Variants in GALNT13 observed in about 807,000 individuals in gnomAD.
The protein encoded by GALNT13 is UDP-GalNAc:polypeptide N-acetylgalactosaminyltransferase 13.
GALNT13 carries 28 observed loss-of-function variants against 64.2 expected under a neutral mutation model. That is an observed-to-expected ratio of 0.44 (90% CI 0.32 to 0.60). GALNT13 has a LOEUF of 0.60. Among genes scored for constraint, GALNT13 ranks in the 20% least tolerant of loss-of-function variants. The probability of loss-of-function intolerance (pLI) is 0.05; values close to 1 mark genes in which losing one functional copy is unlikely to be tolerated. For synonymous variants in GALNT13, 214 were observed against 224.6 expected, an observed-to-expected ratio of 0.95 and a Z score of 0.42; for missense variants, 577 against 669.8, an observed-to-expected ratio of 0.86 and a Z score of 1.53.
the GALNT13 span, among the ~76,000 whole-genome samples, chr2:153,331,620 C>CT: frequency 6.6e-6 from 1 of 151,952 alleles, no homozygotes; most frequent in Non-Finnish European, 1.5e-5. Flanking sequence ...CCAGTCTTTC[C>CT]TTTTCACGTT....
the GALNT13 span, among the ~76,000 whole-genome samples, chr2:153,652,623 G>A: frequency 0.89 from 135,373 of 152,158 alleles, 60,265 homozygotes; most frequent in East Asian, 0.92. Context: ...TCAAAAAAAG[G>A]AAAAAAATTA....
the GALNT13 span, among the ~76,000 whole-genome samples, chr2:153,384,944 A>T: frequency 1.3e-5 from 2 of 152,084 alleles, no homozygotes; most frequent in Non-Finnish European, 2.9e-5. Context: ...CTACATATCA[A>T]ACTAAAATCA....
At chr2:153,920,138 T>C (rs1249187596) in intron 2 of GALNT13, among the ~76,000 whole-genome samples, 2 of 151,754 alleles carry the variant, frequency 1.3e-5, no homozygotes, top group Non-Finnish European at 2.9e-5. Flanking sequence ...TTGCTATTAG[T>C]AGGCCTCTTC....
At chr2:153,873,383 C>T (rs1558827310) in intron 1 of GALNT13, among the ~76,000 whole-genome samples, 2 of 152,358 alleles carry the variant, frequency 1.3e-5, no homozygotes, top group South Asian at 4.1e-4. Context: ...GCGAAAGCTG[C>T]GCAAGCCCCT....
the GALNT13 span, among the ~76,000 whole-genome samples, chr2:153,103,339 G>C: frequency 6.6e-6 from 1 of 152,180 alleles, no homozygotes; most frequent in East Asian, 1.9e-4. Flanking sequence ...CTCTTGCATA[G>C]AACACTCTTC....
chr2:153,077,230 G>A, the GALNT13 span, among the ~76,000 whole-genome samples: 1 of 152,054 alleles, frequency 6.6e-6, no homozygotes, highest in Admixed American at 6.5e-5. Flanking sequence ...GGGATTACAG[G>A]TGTGAGCCAC....
chr2:154,104,717 C>T (rs1000679527), intron 3 of GALNT13, among the ~76,000 whole-genome samples: 10 of 152,196 alleles, frequency 6.6e-5, no homozygotes, highest in Non-Finnish European at 7.3e-5. Flanking sequence ...CACAGCTCTC[C>T]GGGACCTACT....
the GALNT13 span, among the ~76,000 whole-genome samples, chr2:153,453,681 G>C: frequency 1.3e-5 from 2 of 152,190 alleles, no homozygotes; most frequent in Non-Finnish European, 1.5e-5. Flanking sequence ...ATGTAAATTA[G>C]TTCAGCCACT....
At chr2:153,129,713 T>A in the GALNT13 span, among the ~76,000 whole-genome samples, 1 of 151,728 alleles carries the variant, frequency 6.6e-6, no homozygotes, top group Non-Finnish European at 1.5e-5. Context: ...GAGGTTGCAG[T>A]GAGCCAAGAT....
the GALNT13 span, among the ~76,000 whole-genome samples, chr2:153,771,887 A>G: frequency 1.3e-5 from 2 of 152,122 alleles, no homozygotes; most frequent in Non-Finnish European, 2.9e-5. Context: ...GATGGGTTGG[A>G]CCATACTCCC....
chr2:153,435,367 A>C, the GALNT13 span, among the ~76,000 whole-genome samples: 44,696 of 151,734 alleles, frequency 0.29, 7,515 homozygotes, highest in Non-Finnish European at 0.39. Flanking sequence ...TCTGTGAAGA[A>C]AGTCATTGGT....
chr2:154,149,529 T>C (rs1683846552), intron 4 of GALNT13, among the ~76,000 whole-genome samples: 1 of 152,202 alleles, frequency 6.6e-6, no homozygotes, highest in African/African-American at 2.4e-5. Flanking sequence ...GTATGGCCAT[T>C]TTCATGGTAT....
At chr2:153,226,132 C>T in the GALNT13 span, among the ~76,000 whole-genome samples, 2 of 152,006 alleles carry the variant, frequency 1.3e-5, no homozygotes, top group African/African-American at 4.8e-5. Context: ...TGGGGTTTCA[C>T]CATATTGGCC....
At chr2:153,492,399 A>G in the GALNT13 span, among the ~76,000 whole-genome samples, 1 of 152,244 alleles carries the variant, frequency 6.6e-6, no homozygotes, top group African/African-American at 2.4e-5. Flanking sequence ...GTACTAATCC[A>G]AAAGTTTAGC....
intron 10 of GALNT13, among the ~76,000 whole-genome samples, chr2:154,405,584 T>A (rs1238232242): frequency 1.0e-4 from 14 of 133,972 alleles, no homozygotes; most frequent in African/African-American, 2.0e-4. Context: ...CCATCTCTTC[T>A]AAAAAAAAAA....
intron 3 of GALNT13, among the ~76,000 whole-genome samples, chr2:154,052,973 G>C (rs541773368): frequency 6.6e-6 from 1 of 151,924 alleles, no homozygotes; most frequent in Non-Finnish European, 1.5e-5. Context: ...TCCTGACCTC[G>C]TGATCCACGA....
At chr2:153,795,600 G>A in the GALNT13 span, among the ~76,000 whole-genome samples, 200 of 152,058 alleles carry the variant, frequency 1.3e-3, no homozygotes, top group African/African-American at 4.0e-3. Flanking sequence ...TCAAACTTTG[G>A]AAGTTTACTT....
chr2:153,119,195 G>C, the GALNT13 span, among the ~76,000 whole-genome samples: 4 of 151,938 alleles, frequency 2.6e-5, no homozygotes, highest in African/African-American at 9.7e-5. Context: ...CCCAGTCTTG[G>C]GTATGTCTTT....
the GALNT13 span, among the ~76,000 whole-genome samples, chr2:153,304,051 A>G: frequency 9.2e-5 from 14 of 151,596 alleles, no homozygotes; most frequent in Admixed American, 6.6e-4. Flanking sequence ...CTGGGCATGC[A>G]CTGGGGTGGT....
Sources: allele counts gnomAD v4.1 joint callset (sites outside exome capture counted in the v4.1 genomes callset), GRCh38; gene constraint gnomAD v4.1.1; transcripts MANE v1.5; gene names NCBI Gene and HGNC (gene_info 2026-07-23, HGNC 2026-07-21).